The following NAPG variants were observed in gnomAD, a reference collection of about 807,000 sequenced individuals.
The protein encoded by NAPG is NSF attachment protein gamma, also known as gamma-soluble NSF attachment protein.
NAPG carries 25 observed loss-of-function variants against 48.4 expected under a neutral mutation model. That is an observed-to-expected ratio of 0.52 (90% CI 0.38 to 0.72). The LOEUF (loss-of-function observed/expected upper bound fraction) is 0.72, where lower values mean the gene tolerates loss of function less well. NAPG is among the 30% of genes least tolerant of loss of function. The pLI is 0.00. For synonymous variants in NAPG, 139 were observed against 127.2 expected, an observed-to-expected ratio of 1.09 and a Z score of -0.62; for missense variants, 359 against 372.5, an observed-to-expected ratio of 0.96 and a Z score of 0.30.
chr18:10,540,340 C>T lies in NAPG; in HGVS notation c.447C>T (p.Arg149=), dbSNP rs1445808562. The T allele has an allele frequency of 1.5e-5, 25 of 1,613,584 alleles. No homozygotes were observed. Among genetic ancestry groups the T allele is most frequent in the Non-Finnish European group, 2.1e-5 (25 of 1,179,708 alleles). ...QTANVFENEE[R]LRQAVELLGK... ...TTTGATTCCTTCAGAATGAAGAACG[C>T]TTACGACAGGCAGTTGAATTACTAG... Residue 149 remains arginine (R), a synonymous_variant, in exon 8 of 12, where the codon CGC becomes CGT. Transcript: ENST00000322897.
chr18:10,550,143 C>T lies in NAPG; in HGVS notation c.862C>T (p.Pro288Ser). Residue 288 changes from proline (P) to serine (S), a missense_variant, in exon 12 of 12, where the codon CCA becomes TCA. Transcript: ENST00000322897. The stretch of plus-strand genomic sequence containing the variant: ...AATCAAGAAGAAATCACCTGCAACA[C>T]CACAGGCCAAGCCTGATGGTGTCAC... ...GGIKKKSPAT[P>S]QAKPDGVTAT... 6.3e-7 allele frequency: 1 copy of T among 1,580,916 alleles called. No individual in the cohort carries two copies. Among genetic ancestry groups the T allele is most frequent in the African/African-American group, 1.4e-5 (1 of 72,648 alleles).
In NAPG at chr18:10,543,364, AG is replaced by A. The variant is rs2032196081; in HGVS notation, c.507-2958del. Among the ~76,000 whole-genome samples the A allele has an allele frequency of 1.3e-5, 2 of 152,184 alleles. No individual in the cohort carries two copies. Among genetic ancestry groups the A allele is most frequent in the African/African-American group, 2.4e-5 (1 of 41,532 alleles). On this transcript the variant is annotated intron_variant, in intron 8 of 11. Transcript: ENST00000322897. This position sits in a 1 kb window ranked among gnomAD's most constrained non-coding sequence, Gnocchi z 4.4. ...AGGAGGGTTGGGTGTGTATATGTTC[AG>A]GGGTGGGATGTGTGCTATTAAGGAG...
At chr18:10,526,390 T>C (rs2031810801) in intron 1 of NAPG, 2 of 536,412 alleles carry the variant, frequency 3.7e-6, no homozygotes, top group Non-Finnish European at 6.6e-6. Flanking sequence ...GGAAGTCCGC[T>C]CCCCAGAGCC....
chr18:10,542,868 G>A lies in NAPG; in HGVS notation c.506+2469G>A, dbSNP rs1191286523. Among the ~76,000 whole-genome samples, 2 of 152,136 alleles carry A rather than the reference G, an allele frequency of 1.3e-5. No individual in the cohort carries two copies. Among genetic ancestry groups the A allele is most frequent in the African/African-American group, 4.8e-5 (2 of 41,418 alleles). On this transcript the variant is annotated intron_variant, in intron 8 of 11. Transcript: ENST00000322897. The surrounding 1 kb of genome is among the most constrained non-coding windows in gnomAD (Gnocchi z 4.5). ...TCTGGGAAAAGTCAGTCCAAGGCCA[G>A]TGCCCTTGTTCCTTTTTAGAAAAGG...
rs2032268905 is a variant in NAPG, at chr18:10,546,462, T to A, written c.585+58T>A. The A allele has an allele frequency of 8.4e-6, 8 of 955,988 alleles. No individual in the cohort carries two copies. The South Asian group carries it at 1.2e-4, about 15-fold the overall frequency. The allele number at this position is 955,988 out of a possible 1,614,324, so 59.2% of individuals were successfully genotyped here. ...CATTAGATGATTTTTTATACTGGTA[T>A]GAATAAGTACTTAAGAAAGGATTCT... is the stretch of plus-strand genomic sequence containing the variant. On this transcript the variant is annotated intron_variant, in intron 9 of 11. Coordinates refer to ENST00000322897, the MANE Select transcript of NAPG (RefSeq NM_003826.3). The surrounding 1 kb of genome is among the most constrained non-coding windows in gnomAD (Gnocchi z 4.0).
intron 1 of NAPG, among the ~76,000 whole-genome samples, chr18:10,530,059 T>G (rs1377879278): frequency 2.0e-5 from 3 of 152,188 alleles, no homozygotes; most frequent in African/African-American, 7.2e-5. Flanking sequence ...AGTTAAGGAT[T>G]CAAAATTGAT....
In NAPG at chr18:10,534,605, G is replaced by A; in HGVS notation, c.258+109G>A. Reference sequence around the variant, plus strand: ...AAAGCTTCCTTACTGTAAGGCAAGAGGTGCTAAGTTAAGATTTTCTGTCCA... The same window carrying A: ...AAAGCTTCCTTACTGTAAGGCAAGAAGTGCTAAGTTAAGATTTTCTGTCCA... On this transcript the variant is annotated intron_variant, in intron 5 of 11. Coordinates refer to ENST00000322897, the MANE Select transcript of NAPG (RefSeq NM_003826.3). The surrounding 1 kb of genome is among the most constrained non-coding windows in gnomAD (Gnocchi z 5.0). 1.0e-6 allele frequency: 1 copy of A among 968,536 alleles called. No individual in the cohort carries two copies. Among genetic ancestry groups the A allele is most frequent in the Non-Finnish European group, 1.6e-6 (1 of 609,742 alleles). 60.0% of individuals were successfully genotyped at this position (968,536 alleles called of 1,614,324 possible).
At chr18:10,550,019 T>G in intron 11 of NAPG, 58 bp from the exon 12 acceptor site, 1 of 1,471,036 alleles carries the variant, frequency 6.8e-7, no homozygotes, top group Non-Finnish European at 9.0e-7. Flanking sequence ...TAGAGCTGAG[T>G]AAAACATGTT....
intron 1 of NAPG, among the ~76,000 whole-genome samples, chr18:10,529,281 T>G (rs1029955204): frequency 6.6e-6 from 1 of 152,258 alleles, no homozygotes; most frequent in Non-Finnish European, 1.5e-5. Flanking sequence ...ATATTGCATA[T>G]TTCCTCAATT....
In NAPG at chr18:10,546,264, AG is replaced by A. The variant is rs984892092; in HGVS notation, c.507-58del. The A allele has an allele frequency of 8.4e-5, 88 of 1,047,748 alleles. No homozygotes were observed. The African/African-American group carries it at 1.3e-3, about 15-fold the overall frequency. 64.9% of individuals were successfully genotyped at this position (1,047,748 alleles called of 1,614,324 possible). A position where few individuals can be genotyped will look rare whatever the true frequency, so the allele number is the denominator to read the frequency against. On this transcript the variant is annotated intron_variant, in intron 8 of 11. Transcript: ENST00000322897. The surrounding 1 kb of genome is among the most constrained non-coding windows in gnomAD (Gnocchi z 4.0). The stretch of plus-strand genomic sequence containing the variant: ...ATCTATGATGTCAAGTACATTTCAC[AG>A]GGGACCTCTGCTATAGATCATTTAG...
chr18:10,537,336 G>A (rs1241705916), intron 5 of NAPG, among the ~76,000 whole-genome samples: 1 of 152,188 alleles, frequency 6.6e-6, no homozygotes. Context: ...GTTTTATACT[G>A]TATTCTTAGA....
At chr18:10,533,327 T>G in intron 3 of NAPG, 2 of 442,330 alleles carry the variant, frequency 4.5e-6, no homozygotes, top group Non-Finnish European at 8.0e-6. Context: ...TTAAAATCTG[T>G]GCAGTGTTTT....
chr18:10,539,347 T>C lies in NAPG; in HGVS notation c.259-415T>C, dbSNP rs889826002. 6.1e-5 allele frequency: 11 copies of C among 181,134 alleles called. No individual in the cohort carries two copies. The highest frequency in any genetic ancestry group is 2.6e-4 in the African/African-American group (11 of 42,110). 11.2% of individuals were successfully genotyped at this position (181,134 alleles called of 1,614,324 possible). A position where few individuals can be genotyped will look rare whatever the true frequency, so the allele number is the denominator to read the frequency against. On this transcript the variant is annotated intron_variant, in intron 5 of 11. Transcript: ENST00000322897. The surrounding 1 kb of genome is among the most constrained non-coding windows in gnomAD (Gnocchi z 4.7). Reference sequence around the variant, plus strand: ...GCAGCTGTAAAAAAGAATGAGATCATGTCCTTTGCAGGGACATGGATGAAG... The same window carrying C: ...GCAGCTGTAAAAAAGAATGAGATCACGTCCTTTGCAGGGACATGGATGAAG...
chr18:10,532,975 AGGTCC>A, intron 3 of NAPG, 180 bp downstream of exon 3: 1 of 577,734 alleles, frequency 1.7e-6, no homozygotes, highest in Non-Finnish European at 3.1e-6. Flanking sequence ...TTTGATTATA[AGGTCC>A]ACACTGGTTC....
rs1278342622 is a variant in NAPG, at chr18:10,534,080, G to A, written c.228-386G>A. On this transcript the variant is annotated intron_variant, in intron 4 of 11. Coordinates refer to ENST00000322897, the MANE Select transcript of NAPG (RefSeq NM_003826.3). This position sits in a 1 kb window ranked among gnomAD's most constrained non-coding sequence, Gnocchi z 5.0. ...GAGACTTGCTTGAACCTGGGAGATG[G>A]AGGTTGCAGTGAGCTGAGATCGTGC... 6.6e-6 allele frequency among the ~76,000 whole-genome samples: 1 copy of A among 152,172 alleles called. No individual in the cohort carries two copies. Among genetic ancestry groups the A allele is most frequent in the Non-Finnish European group, 1.5e-5 (1 of 68,022 alleles).
chr18:10,538,980 G>A (rs2032091308), intron 5 of NAPG: 1 of 152,180 alleles, frequency 6.6e-6, no homozygotes, highest in African/African-American at 2.4e-5. Flanking sequence ...GAATGGTGAT[G>A]ATTAAGAAGT....
At chr18:10,532,851 GT>G (rs1478255076) in intron 3 of NAPG, 56 bp downstream of exon 3, 2 of 1,392,840 alleles carry the variant, frequency 1.4e-6, no homozygotes, top group African/African-American at 2.9e-5. Flanking sequence ...TTGACAAGCT[GT>G]TTTCTCTTGC....
chr18:10,542,865 C>T lies in NAPG; in HGVS notation c.506+2466C>T, dbSNP rs865984614. Among the ~76,000 whole-genome samples, 5 of 152,214 alleles carry T rather than the reference C, an allele frequency of 3.3e-5. No homozygotes were observed. The highest frequency in any genetic ancestry group is 6.8e-3 in the Middle Eastern group (2 of 294). ...ACATCTGGGAAAAGTCAGTCCAAGG[C>T]CAGTGCCCTTGTTCCTTTTTAGAAA... On this transcript the variant is annotated intron_variant, in intron 8 of 11. Transcript: ENST00000322897. The surrounding 1 kb of genome is among the most constrained non-coding windows in gnomAD (Gnocchi z 4.5).
In NAPG at chr18:10,526,409, C is replaced by T. The variant is rs1425818691; in HGVS notation, c.56+251C>T. 9.5e-6 allele frequency: 5 copies of T among 525,278 alleles called. No homozygotes were observed. In the East Asian group the frequency reaches 1.3e-4, roughly 14 times the overall value. The allele number at this position is 525,278 out of a possible 1,614,324, so 32.5% of individuals were successfully genotyped here. On this transcript the variant is annotated intron_variant, in intron 1 of 11. Coordinates refer to ENST00000322897, the MANE Select transcript of NAPG (RefSeq NM_003826.3). ...GTCCGCTCCCCAGAGCCGGTGTGGGCGGGGACTCGGCGCAGTGCTGCGGGG... is the reference window on the plus strand; with the variant it reads ...GTCCGCTCCCCAGAGCCGGTGTGGGTGGGGACTCGGCGCAGTGCTGCGGGG...
Sources: gnomAD v4.1 joint callset for allele counts (sites outside exome capture counted in the v4.1 genomes callset) on GRCh38, gnomAD v4.1.1 for gene constraint, Gnocchi (gnomAD v3.1) non-coding constraint, MANE v1.5 for transcripts, NCBI Gene and HGNC (gene_info 2026-07-23, HGNC 2026-07-21) for gene names.